The following PLA2R1 variants were observed in gnomAD, a reference collection of about 807,000 sequenced individuals.
PLA2R1 encodes secretory phospholipase A2 receptor.
In PLA2R1, 158 loss-of-function variants were observed where a neutral mutation model predicts 195.9. The ratio of observed to expected loss-of-function variants is 0.81; its 90% CI spans 0.71 to 0.92. PLA2R1 has a LOEUF of 0.92. Ranked by LOEUF, PLA2R1 falls within the 40% of genes least tolerant of loss-of-function variation. PLA2R1 has a pLI of 0.00. For synonymous variants in PLA2R1, 586 were observed against 598.2 expected, an observed-to-expected ratio of 0.98 and a Z score of 0.30; for missense variants, 1,626 against 1,764.6, an observed-to-expected ratio of 0.92 and a Z score of 1.41.
intron 20 of PLA2R1, among the ~76,000 whole-genome samples, chr2:159,964,689 G>A (rs913166976): frequency 2.0e-5 from 3 of 151,548 alleles, no homozygotes; most frequent in Non-Finnish European, 4.4e-5. Context: ...GGGCTAAGCT[G>A]ACATGGCAAC....
intron 11 of PLA2R1, among the ~76,000 whole-genome samples, chr2:159,993,379 A>G (rs1459419934): frequency 2.0e-5 from 3 of 151,938 alleles, no homozygotes. Context: ...ATCCAGTTAA[A>G]ATATAGGTTA....
rs752138072 is a variant in PLA2R1, at chr2:160,042,117, C to T, written c.575G>A (p.Cys192Tyr). 1.9e-6 allele frequency: 3 copies of T among 1,613,876 alleles called. No individual in the cohort carries two copies. In the East Asian group the frequency reaches 6.7e-5, roughly 36 times the overall value. Residue 192 changes from cysteine to tyrosine, a missense_variant, in exon 3 of 30, where the codon TGT becomes TAT. Coordinates refer to ENST00000283243, the MANE Select transcript of PLA2R1 (RefSeq NM_007366.5). ...FQYNHQWHHE[C>Y]TREGREDDLL... ...GTCATCTTCCCGACCTTCACGGGTA[C>T]ATTCATGATGCCACTGATGGTTATA...
intron 28 of PLA2R1, among the ~76,000 whole-genome samples, chr2:159,943,311 T>C (rs892073526): frequency 3.3e-5 from 5 of 152,180 alleles, no homozygotes; most frequent in African/African-American, 9.7e-5. Flanking sequence ...CCATTTAACG[T>C]TGCATTAAAC....
intron 10 of PLA2R1, among the ~76,000 whole-genome samples, chr2:160,011,051 T>C (rs1692326669): frequency 6.6e-6 from 1 of 152,202 alleles, no homozygotes. Flanking sequence ...GCTTTACAGA[T>C]GGACCAGGCA....
chr2:159,959,547 C>G (rs2105184024), intron 20 of PLA2R1, among the ~76,000 whole-genome samples: 1 of 152,286 alleles, frequency 6.6e-6, no homozygotes, highest in East Asian at 1.9e-4. Context: ...TAATGCATCT[C>G]TGATTATTAC....
At chr2:159,925,331 A>G in the PLA2R1 span, among the ~76,000 whole-genome samples, 1 of 152,192 alleles carries the variant, frequency 6.6e-6, no homozygotes, top group Non-Finnish European at 1.5e-5. Context: ...AAGGGGGAGA[A>G]AGCCATGTAA....
At position 160,062,450 on chromosome 2, in the gene PLA2R1, T is replaced by TATCCCGGGAGCCCAGAGCCGC. The variant is rs1281736960; in HGVS notation, c.-68_-48dup. On this transcript the variant is annotated 5_prime_UTR_variant, in exon 1 of 30. It adds an upstream start codon to the 5' untranslated region. Transcript: ENST00000283243. ...GGAGCCCCTTGTCCCGGGAGCCCCTTATCCCGGGAGCCCAGAGCCGCGTCC... is the reference window on the plus strand; with the variant it reads ...GGAGCCCCTTGTCCCGGGAGCCCCTTATCCCGGGAGCCCAGAGCCGCATCCCGGGAGCCCAGAGCCGCGTCC... 19 of 1,500,744 alleles carry TATCCCGGGAGCCCAGAGCCGC rather than the reference T, an allele frequency of 1.3e-5. No homozygotes were observed. The highest frequency in any genetic ancestry group is 1.2e-5 in the Non-Finnish European group (13 of 1,126,660). The allele number at this position is 1,500,744 out of a possible 1,614,324, so 93.0% of individuals were successfully genotyped here. A position where few individuals can be genotyped will look rare whatever the true frequency, so the allele number is the denominator to read the frequency against.
rs72954858 is a variant in PLA2R1, at chr2:159,951,565, G to A, written c.3315C>T (p.His1105=). 7.9e-3 allele frequency: 11,897 copies of A among 1,512,592 alleles called. 54 individuals carry two copies. Among genetic ancestry groups the A allele is most frequent in the Non-Finnish European group, 9.1e-3 (9,867 of 1,085,270 alleles). The allele number at this position is 1,512,592 out of a possible 1,614,324, so 93.7% of individuals were successfully genotyped here. A position where few individuals can be genotyped will look rare whatever the true frequency, so the allele number is the denominator to read the frequency against. The change falls in exon 24 of 30, where the codon CAC becomes CAT. Residue 1105 remains histidine (H), a synonymous_variant. Coordinates refer to ENST00000283243, the MANE Select transcript of PLA2R1 (RefSeq NM_007366.5). The part of the protein sequence containing the change: ...VCEKMQDTSG[H]GVNTSDMYPM... ...GATACATATCAGATGTATTTACACC[G>A]TGTCCAGAAGTATCTAGAACAAGAA...
At chr2:159,944,779 C>T (rs1436358173) in intron 28 of PLA2R1, 127 bp downstream of exon 28, 12 of 686,968 alleles carry the variant, frequency 1.7e-5, no homozygotes, top group African/African-American at 1.4e-4. Flanking sequence ...CAGAACACAA[C>T]AATAATGTCA....
At chr2:159,983,814 G>T in intron 13 of PLA2R1, 114 bp downstream of exon 13, 1 of 564,724 alleles carries the variant, frequency 1.8e-6, no homozygotes, top group Non-Finnish European at 3.2e-6. Context: ...TTGGCTTTGG[G>T]CATAATACAA....
chr2:160,037,280 A>G (rs1314033507), intron 3 of PLA2R1, among the ~76,000 whole-genome samples: 1 of 152,180 alleles, frequency 6.6e-6, no homozygotes, highest in African/African-American at 2.4e-5. Flanking sequence ...TCCCCTGCTT[A>G]AAACTCTTTT....
rs1158416529 is a variant in PLA2R1 at position 159,932,820 on chromosome 2, G to C, written c.*8958C>G. The C allele has an allele frequency of 6.6e-6, 1 of 152,110 alleles. No individual in the cohort carries two copies. Among genetic ancestry groups the C allele is most frequent in the Non-Finnish European group, 1.5e-5 (1 of 68,032 alleles). The allele number at this position is 152,110 out of a possible 1,614,324, so 9.4% of individuals were successfully genotyped here. On this transcript the variant is annotated 3_prime_UTR_variant, in exon 30 of 30. Transcript: ENST00000283243. ...ATGGTCCTTTAACAATTTACAATTT[G>C]CTGTATTATATTAAAAATATATTTA...
Position 159,951,408 on chromosome 2 carries a change from G to A in PLA2R1, c.3472C>T (p.Gln1158Ter). ...TTGAGGACAACAGTGAGGAAGGACT[G>A]GTGATACTGGTCTGTGATGCTGACC... The part of the protein sequence containing the change: ...QLVSITDQYH[Q>*]SFLTVVLNRL... Residue 1158 changes from glutamine to a stop codon, truncating the protein, a stop_gained, in exon 24 of 30, where the codon CAG (glutamine) becomes TAG (stop). Coordinates refer to ENST00000283243, the MANE Select transcript of PLA2R1 (RefSeq NM_007366.5). LOFTEE classifies it high-confidence loss of function. The A allele has an allele frequency of 6.2e-7, 1 of 1,613,928 alleles. No homozygotes were observed. Among genetic ancestry groups the A allele is most frequent in the Non-Finnish European group, 8.5e-7 (1 of 1,179,868 alleles).
intron 7 of PLA2R1, among the ~76,000 whole-genome samples, chr2:160,021,597 A>G (rs1474591021): frequency 6.6e-6 from 1 of 152,202 alleles, no homozygotes; most frequent in African/African-American, 2.4e-5. Flanking sequence ...GGAGATACAG[A>G]GCAGGATAAA....
Position 159,936,924 on chromosome 2 carries a change from A to G in PLA2R1, c.*4854T>C, listed in dbSNP as rs968293068. The G allele has an allele frequency of 6.6e-6, 1 of 152,236 alleles. No homozygotes were observed. Among genetic ancestry groups the G allele is most frequent in the East Asian group, 1.9e-4 (1 of 5,204 alleles). The allele number at this position is 152,236 out of a possible 1,614,324, so 9.4% of individuals were successfully genotyped here. On this transcript the variant is annotated 3_prime_UTR_variant, in exon 30 of 30. Coordinates refer to ENST00000283243, the MANE Select transcript of PLA2R1 (RefSeq NM_007366.5). ...AGCACTCTCTAACTTATCTTAACAT[A>G]GAAACTTTGTTCATATAAATAAGTA...
chr2:159,963,981 C>T (rs1001221336), intron 20 of PLA2R1, among the ~76,000 whole-genome samples: 8 of 152,060 alleles, frequency 5.3e-5, no homozygotes, highest in Admixed American at 1.3e-4. Context: ...AACCCAAGTG[C>T]GCATCAACAG....
intron 11 of PLA2R1, among the ~76,000 whole-genome samples, chr2:159,993,251 T>C (rs2105345734): frequency 6.6e-6 from 1 of 152,256 alleles, no homozygotes; most frequent in Non-Finnish European, 1.5e-5. Context: ...TTCACCTGAA[T>C]ATTTCATTTC....
intron 1 of PLA2R1, among the ~76,000 whole-genome samples, chr2:160,049,258 T>C (rs1053972634): frequency 1.3e-5 from 2 of 152,158 alleles, no homozygotes; most frequent in African/African-American, 4.8e-5. Flanking sequence ...AGATCCACTC[T>C]TTGGCCCCAT....
At chr2:160,038,041 T>C (rs921360556) in intron 3 of PLA2R1, among the ~76,000 whole-genome samples, 14 of 152,126 alleles carry the variant, frequency 9.2e-5, no homozygotes, top group African/African-American at 3.4e-4. Context: ...AATAAATGGA[T>C]GAATGGTCTG....
Sources: allele counts gnomAD v4.1 joint callset (sites outside exome capture counted in the v4.1 genomes callset), GRCh38; gene constraint gnomAD v4.1.1; transcripts MANE v1.5; gene names NCBI Gene and HGNC (gene_info 2026-07-23, HGNC 2026-07-21).